PTPRM: variants seen among roughly 807,000 people sequenced by gnomAD.
PTPRM encodes the protein receptor-type tyrosine-protein phosphatase mu.
Under a neutral mutation model 186.7 loss-of-function variants are expected in PTPRM, and 47 were observed. The observed-to-expected ratio is 0.25, with a 90% CI of 0.20 to 0.32. The LOEUF is 0.32. Among genes scored for constraint, PTPRM ranks in the 10% least tolerant of loss-of-function variants. The pLI is 1.00. For synonymous variants in PTPRM, 668 were observed against 674.9 expected, an observed-to-expected ratio of 0.99 and a Z score of 0.16; for missense variants, 1,494 against 1,865.0, an observed-to-expected ratio of 0.80 and a Z score of 3.66.
chr18:7,769,978 C>G (rs1360477937), intron 1 of PTPRM, among the ~76,000 whole-genome samples: 1 of 152,108 alleles, frequency 6.6e-6, no homozygotes, highest in African/African-American at 2.4e-5. Flanking sequence ...TTGTATATGA[C>G]TTGGGTTTAG....
rs752935056 is a variant in PTPRM, at chr18:8,143,693, C to T, written c.2214C>T (p.Asp738=). ...KPVPEPEKQT[D]HTVKIAGVIA... Reference sequence around the variant, plus strand: ...TCCCAGAACCCGAGAAACAGACAGACCATACAGTTAAAATTGCTGGAGTCA... The same window carrying T: ...TCCCAGAACCCGAGAAACAGACAGATCATACAGTTAAAATTGCTGGAGTCA... Residue 738 remains aspartate, a synonymous_variant, in exon 14 of 33, where the codon GAC becomes GAT. Coordinates refer to ENST00000580170, the MANE Select transcript of PTPRM (RefSeq NM_001105244.2). The T allele has an allele frequency of 6.2e-7, 1 of 1,609,458 alleles. No homozygotes were observed. Among genetic ancestry groups the T allele is most frequent in the Admixed American group, 1.7e-5 (1 of 60,018 alleles).
chr18:8,376,544 T>C lies in PTPRM; in HGVS notation c.3409T>C (p.Tyr1137His), dbSNP rs573850662. ...MAEREGVVDI[Y>H]NCVRELRSRR... Reference sequence around the variant, plus strand: ...CGAAAGGGAAGGGGTCGTAGACATCTACAACTGCGTCAGGGAGCTGCGGTC... The same window carrying C: ...CGAAAGGGAAGGGGTCGTAGACATCCACAACTGCGTCAGGGAGCTGCGGTC... The change falls in exon 26 of 33, where the codon TAC (tyrosine) becomes CAC (histidine). Residue 1137 changes from tyrosine (Y) to histidine (H), a missense_variant. Tyr to His is a moderately conservative substitution (Grantham distance 83). Around this residue, in one of 3 missense-constraint regions of PTPRM, gnomAD observed 1,107 missense variants for 1,350.2 expected, o/e 0.82. Coordinates refer to ENST00000580170, the MANE Select transcript of PTPRM (RefSeq NM_001105244.2). 2 of 1,613,970 alleles carry C rather than the reference T, an allele frequency of 1.2e-6. No individual in the cohort carries two copies. Among genetic ancestry groups the C allele is most frequent in the East Asian group, 4.5e-5 (2 of 44,854 alleles).
intron 7 of PTPRM, among the ~76,000 whole-genome samples, chr18:8,054,298 A>ATATATATAT (rs1555710874): frequency 0.015 from 1,970 of 131,646 alleles, 42 homozygotes; most frequent in Non-Finnish European, 0.015. Flanking sequence ...TAGTAGTAGT[A>ATATATATAT]ATATATATAT....
chr18:8,355,358 T>C (rs375413112), intron 23 of PTPRM, among the ~76,000 whole-genome samples: 1 of 151,888 alleles, frequency 6.6e-6, no homozygotes, highest in African/African-American at 2.4e-5. Flanking sequence ...TGAAAATTAA[T>C]TGGCAAAGGA....
At chr18:8,123,356 G>A (rs2092241377) in intron 13 of PTPRM, among the ~76,000 whole-genome samples, 1 of 152,164 alleles carries the variant, frequency 6.6e-6, no homozygotes, top group African/African-American at 2.4e-5. Flanking sequence ...TTAAGAAAAT[G>A]GTAAAGCTTA....
At chr18:8,225,465 T>A (rs79544627) in intron 14 of PTPRM, among the ~76,000 whole-genome samples, 1,915 of 152,292 alleles carry the variant, frequency 0.013, 34 homozygotes, top group African/African-American at 0.044. Flanking sequence ...TCATCTTCTG[T>A]ATTGTCTGCC....
At chr18:8,256,645 T>TA (rs1160771157) in intron 19 of PTPRM, among the ~76,000 whole-genome samples, 3 of 152,202 alleles carry the variant, frequency 2.0e-5, no homozygotes, top group African/African-American at 7.2e-5. Flanking sequence ...GGAAAGGGGT[T>TA]ATACTTTTCC....
At chr18:7,857,099 G>A (rs1015901078) in intron 2 of PTPRM, among the ~76,000 whole-genome samples, 6 of 152,120 alleles carry the variant, frequency 3.9e-5, no homozygotes, top group Non-Finnish European at 8.8e-5. Context: ...GAATCCTGCA[G>A]AATGAGTTTC....
At chr18:8,232,478 GCT>G (rs2094298548) in intron 14 of PTPRM, among the ~76,000 whole-genome samples, 1 of 152,224 alleles carries the variant, frequency 6.6e-6, no homozygotes, top group Non-Finnish European at 1.5e-5. Flanking sequence ...GAGCATAACT[GCT>G]GGATCATATG....
chr18:8,194,138 A>G (rs1474800302), intron 14 of PTPRM, among the ~76,000 whole-genome samples: 1 of 152,200 alleles, frequency 6.6e-6, no homozygotes, highest in Non-Finnish European at 1.5e-5. Context: ...ATGTGTCTAA[A>G]CACCACAGTT....
intron 1 of PTPRM, among the ~76,000 whole-genome samples, chr18:7,617,576 CA>C (rs956932230): frequency 3.3e-5 from 5 of 151,868 alleles, no homozygotes; most frequent in Non-Finnish European, 2.9e-5. Flanking sequence ...CATAGTTTTC[CA>C]GAGTAAATTT....
intron 1 of PTPRM, among the ~76,000 whole-genome samples, chr18:7,677,504 C>T (rs528998699): frequency 1.3e-5 from 2 of 152,216 alleles, no homozygotes; most frequent in Admixed American, 6.5e-5. Context: ...GTTGATGAGA[C>T]CACCTTCCTT....
intron 1 of PTPRM, among the ~76,000 whole-genome samples, chr18:7,737,655 T>C (rs1469580173): frequency 6.6e-6 from 1 of 152,184 alleles, no homozygotes; most frequent in African/African-American, 2.4e-5. Flanking sequence ...TGTTGTGTGT[T>C]CAGTGCTGGG....
intron 13 of PTPRM, among the ~76,000 whole-genome samples, chr18:8,136,818 G>A (rs1046358086): frequency 6.6e-6 from 1 of 152,130 alleles, no homozygotes; most frequent in Non-Finnish European, 1.5e-5. Flanking sequence ...GACTGCAAAG[G>A]ATTTTAATTC....
chr18:7,666,772 T>C (rs943470593), intron 1 of PTPRM, among the ~76,000 whole-genome samples: 3 of 152,228 alleles, frequency 2.0e-5, no homozygotes, highest in African/African-American at 7.2e-5. Context: ...ACAATTTGCA[T>C]AGCAGTTTAC....
At chr18:8,212,851 C>T (rs2094026104) in intron 14 of PTPRM, among the ~76,000 whole-genome samples, 2 of 152,134 alleles carry the variant, frequency 1.3e-5, no homozygotes, top group Non-Finnish European at 2.9e-5. Context: ...AAAACAAAAG[C>T]ATATTGTCTG....
rs182949519 is a variant in PTPRM at position 7,901,684 on chromosome 18, T to G, written c.469-4821T>G. Among the ~76,000 whole-genome samples, 5 of 152,252 alleles carry G rather than the reference T, an allele frequency of 3.3e-5. No individual in the cohort carries two copies. The East Asian group carries it at 7.7e-4, about 24-fold the overall frequency. ...TGGCCTGAGCTGCATGTTTTAATCC[T>G]CTTGTTTGTTAGAAAAAAAACAAAG... On this transcript the variant is annotated intron_variant, in intron 3 of 32. Transcript: ENST00000580170.
At chr18:8,389,623 T>G (rs2095798797) in intron 31 of PTPRM, among the ~76,000 whole-genome samples, 1 of 152,260 alleles carries the variant, frequency 6.6e-6, no homozygotes, top group South Asian at 2.1e-4. Context: ...TCTTGCTCTC[T>G]TAGCATCAAG....
intron 11 of PTPRM, among the ~76,000 whole-genome samples, chr18:8,110,940 G>C (rs191423204): frequency 7.0e-4 from 106 of 152,340 alleles, no homozygotes; most frequent in African/African-American, 2.3e-3. Context: ...CTTCAGGCCA[G>C]ATGGTTTCCA....
Sources: allele counts gnomAD v4.1 joint callset (sites outside exome capture counted in the v4.1 genomes callset), GRCh38; gene constraint gnomAD v4.1.1; regional missense constraint gnomAD v4.1.1; transcripts MANE v1.5; gene names NCBI Gene and HGNC (gene_info 2026-07-23, HGNC 2026-07-21).